The following LRRTM3 variants were observed in gnomAD, a reference collection of about 807,000 sequenced individuals.
LRRTM3 encodes leucine-rich repeat transmembrane neuronal protein 3.
LRRTM3 carries 24 observed loss-of-function variants against 44.7 expected under a neutral mutation model. The ratio of observed to expected loss-of-function variants is 0.54; its 90% CI spans 0.39 to 0.76. The LOEUF (loss-of-function observed/expected upper bound fraction) is 0.76, where lower values mean the gene tolerates loss of function less well. LRRTM3 is among the 30% of genes least tolerant of loss of function. The pLI is 0.00. For missense variants in LRRTM3, 587 were observed against 702.2 expected, an observed-to-expected ratio of 0.84 and a Z score of 1.85; for synonymous variants, 277 against 278.7, an observed-to-expected ratio of 0.99 and a Z score of 0.06.
At chr10:67,003,206 G>C (rs529384682) in intron 2 of LRRTM3, among the ~76,000 whole-genome samples, 1 of 152,250 alleles carries the variant, frequency 6.6e-6, no homozygotes, top group South Asian at 2.1e-4. Flanking sequence ...TTCAGGCACA[G>C]TGCCTATGCT....
intron 2 of LRRTM3, among the ~76,000 whole-genome samples, chr10:66,978,960 C>CTTTTTTT (rs34112681): frequency 9.5e-5 from 8 of 83,792 alleles, no homozygotes; most frequent in Admixed American, 1.8e-4. Flanking sequence ...TACTTATTTC[C>CTTTTTTT]TTTTTTTTTT....
At chr10:67,049,324 A>G (rs1473613839) in intron 2 of LRRTM3, among the ~76,000 whole-genome samples, 4 of 152,250 alleles carry the variant, frequency 2.6e-5, no homozygotes, top group Middle Eastern at 6.8e-3. Context: ...ACAGAACCCC[A>G]ATGTCAGGGA....
intron 2 of LRRTM3, among the ~76,000 whole-genome samples, chr10:66,999,384 A>T (rs1328096655): frequency 6.6e-6 from 1 of 152,134 alleles, no homozygotes; most frequent in Non-Finnish European, 1.5e-5. Flanking sequence ...CCTGAAAAAA[A>T]TATATAATCA....
rs559417600 is a variant in LRRTM3 at position 66,950,779 on chromosome 10, C to T, written c.1536+22327C>T. Among the ~76,000 whole-genome samples, 7 of 152,200 alleles carry T rather than the reference C, an allele frequency of 4.6e-5. No homozygotes were observed. The South Asian group carries it at 1.5e-3, about 32-fold the overall frequency. ...TTTAATCCTTACAAAAACAAAAAAG[C>T]ATGAGTTCATATAAGGGCCACACTG... On this transcript the variant is annotated intron_variant, in intron 2 of 2. Coordinates refer to ENST00000361320, the MANE Select transcript of LRRTM3 (RefSeq NM_178011.5).
At position 67,056,194 on chromosome 10, in the gene LRRTM3, G is replaced by A. The variant is rs79466733; in HGVS notation, c.1537-41393G>A. Among the ~76,000 whole-genome samples the A allele has an allele frequency of 1.0e-2, 1,516 of 152,156 alleles. 30 individuals carry two copies. Among genetic ancestry groups the A allele is most frequent in the African/African-American group, 0.035 (1,438 of 41,522 alleles). On this transcript the variant is annotated intron_variant, in intron 2 of 2. Coordinates refer to ENST00000361320, the MANE Select transcript of LRRTM3 (RefSeq NM_178011.5). ...TATATCACATAAGAGTTGATTAACT[G>A]AGCTTTAATAAAATATGGTTGGTAT...
chr10:66,949,024 A>G (rs987897485), intron 2 of LRRTM3, among the ~76,000 whole-genome samples: 4 of 152,228 alleles, frequency 2.6e-5, no homozygotes, highest in Admixed American at 2.6e-4. Context: ...GACTCTGGAA[A>G]AAGCATGTAA....
At chr10:66,926,660 C>T in intron 1 of LRRTM3, 73 bp downstream of exon 1, 1 of 1,520,322 alleles carries the variant, frequency 6.6e-7, no homozygotes, top group South Asian at 1.1e-5. Flanking sequence ...TGTAATAATT[C>T]TGCCTTAATT....
Position 66,927,928 on chromosome 10 carries a change from A to G in LRRTM3, c.1012A>G (p.Ile338Val). ...KSFKGLRENT[I>V]ICASPKELQG... ...TTTTAAAGGTCTAAGGGAGAATACA[A>G]TTATCTGTGCCAGTCCCAAAGAGCT... Residue 338 changes from isoleucine (I) to valine (V), a missense_variant, in exon 2 of 3, where the codon ATT (isoleucine) becomes GTT (valine). Transcript: ENST00000361320. The surrounding 1 kb of genome is among the most constrained non-coding windows in gnomAD (Gnocchi z 4.7). 6.2e-7 allele frequency: 1 copy of G among 1,614,222 alleles called. No homozygotes were observed. The highest frequency in any genetic ancestry group is 1.3e-5 in the African/African-American group (1 of 75,054).
chr10:66,970,031 A>C (rs945116540), intron 2 of LRRTM3, among the ~76,000 whole-genome samples: 2 of 152,176 alleles, frequency 1.3e-5, no homozygotes, highest in Non-Finnish European at 2.9e-5. Flanking sequence ...ACTTGGAGTC[A>C]AGGCGAGTTC....
intron 2 of LRRTM3, among the ~76,000 whole-genome samples, chr10:67,085,145 A>G (rs1185124008): frequency 6.6e-6 from 1 of 151,954 alleles, no homozygotes; most frequent in Non-Finnish European, 1.5e-5. Flanking sequence ...ATTGTTAATG[A>G]GACAAGATAC....
chr10:67,019,776 T>A (rs1033231025), intron 2 of LRRTM3, among the ~76,000 whole-genome samples: 1 of 152,134 alleles, frequency 6.6e-6, no homozygotes, highest in African/African-American at 2.4e-5. Flanking sequence ...ACCCTGTTTG[T>A]CCTATTTGAC....
At chr10:66,977,795 C>T (rs1318537034) in intron 2 of LRRTM3, among the ~76,000 whole-genome samples, 2 of 152,158 alleles carry the variant, frequency 1.3e-5, no homozygotes, top group Non-Finnish European at 2.9e-5. Flanking sequence ...GTCCATAATT[C>T]TGTACTTCCA....
At position 67,052,310 on chromosome 10, in the gene LRRTM3, ATCACTC is replaced by A. The variant is rs771365994; in HGVS notation, c.1537-45274_1537-45269del. 9.1e-3 allele frequency among the ~76,000 whole-genome samples: 848 copies of A among 92,806 alleles called. 8 individuals carry two copies. Among genetic ancestry groups the A allele is most frequent in the African/African-American group, 0.036 (798 of 22,434 alleles). 60.9% of individuals were successfully genotyped at this position (92,806 alleles called of 152,430 possible). A position where few individuals can be genotyped will look rare whatever the true frequency, so the allele number is the denominator to read the frequency against. ...CACAGAAGAATCTTCACACCCACTC[ATCACTC>A]TCTCTCTCTCTCTCTCTCTCTCTCT... is the stretch of plus-strand genomic sequence containing the variant. On this transcript the variant is annotated intron_variant, in intron 2 of 2. Transcript: ENST00000361320.
intron 2 of LRRTM3, among the ~76,000 whole-genome samples, chr10:67,047,861 A>G (rs945749903): frequency 2.6e-5 from 4 of 152,020 alleles, no homozygotes; most frequent in African/African-American, 7.2e-5. Flanking sequence ...TCTTAGTTCA[A>G]TGTCATCCTA....
intron 2 of LRRTM3, among the ~76,000 whole-genome samples, chr10:67,091,317 T>C (rs10740266): frequency 0.2 from 30,372 of 151,872 alleles, 5,005 homozygotes; most frequent in African/African-American, 0.46. Context: ...AAATTGAGAA[T>C]TTAAAGACAG....
intron 2 of LRRTM3, among the ~76,000 whole-genome samples, chr10:67,087,322 A>G (rs563970393): frequency 6.6e-6 from 1 of 152,150 alleles, no homozygotes; most frequent in South Asian, 2.1e-4. Context: ...GGAGATCATG[A>G]GCAGTGCTTC....
intron 2 of LRRTM3, among the ~76,000 whole-genome samples, chr10:67,038,232 GA>G (rs1564847255): frequency 1.6e-4 from 25 of 151,958 alleles, no homozygotes; most frequent in African/African-American, 5.8e-4. Flanking sequence ...TGTTGTTGTT[GA>G]TTAGCCATTC....
At chr10:67,090,730 T>C (rs1262777604) in intron 2 of LRRTM3, among the ~76,000 whole-genome samples, 1 of 151,990 alleles carries the variant, frequency 6.6e-6, no homozygotes, top group African/African-American at 2.4e-5. Context: ...TAGAGACGTG[T>C]CCAGGCCACG....
At chr10:66,974,360 C>T (rs1182136031) in intron 2 of LRRTM3, among the ~76,000 whole-genome samples, 3 of 152,070 alleles carry the variant, frequency 2.0e-5, no homozygotes, top group Non-Finnish European at 2.9e-5. Context: ...AGTAATACTC[C>T]CCTGTGTATT....
Sources: gnomAD v4.1 joint callset for allele counts (sites outside exome capture counted in the v4.1 genomes callset) on GRCh38, gnomAD v4.1.1 for gene constraint, Gnocchi (gnomAD v3.1) non-coding constraint, MANE v1.5 for transcripts, NCBI Gene and HGNC (gene_info 2026-07-23, HGNC 2026-07-21) for gene names.